DCC: variants seen among roughly 807,000 people sequenced by gnomAD.
The protein encoded by DCC is netrin receptor DCC.
A neutral mutation model predicts 172.5 loss-of-function variants in DCC; 58 were observed. The observed-to-expected ratio is 0.34, with a 90% CI of 0.27 to 0.42. The LOEUF is 0.42. Among genes scored for constraint, DCC ranks in the 10% least tolerant of loss-of-function variants. The pLI is 1.00. For synonymous variants in DCC, 709 were observed against 644.5 expected (o/e 1.10, Z -1.52); for missense variants, 1,740 against 1,791.0 (o/e 0.97, Z 0.51).
chr18:53,529,183 C>T (rs1436045604), intron 28 of DCC, among the ~76,000 whole-genome samples: 4 of 152,062 alleles, frequency 2.6e-5, no homozygotes, highest in South Asian at 2.1e-4. Context: ...CATTCACTGA[C>T]ATGCTGAGAT....
At chr18:53,000,768 C>G (rs1185453313) in intron 5 of DCC, among the ~76,000 whole-genome samples, 1 of 151,568 alleles carries the variant, frequency 6.6e-6, no homozygotes, top group Non-Finnish European at 1.5e-5. Context: ...CATGAAAACC[C>G]ATTGATAAAT....
Position 52,934,176 on chromosome 18 carries a change from T to C in DCC, c.985+8806T>C, listed in dbSNP as rs575106444. On this transcript the variant is annotated intron_variant, in intron 5 of 28. Transcript: ENST00000442544. ...GTCCCTACGTAGTTCTCATGAATTA[T>C]GGCGCGATTGATATAACAATATCTA... Among the ~76,000 whole-genome samples, 3 of 152,232 alleles carry C rather than the reference T, an allele frequency of 2.0e-5. No homozygotes were observed. In the South Asian group the frequency reaches 6.2e-4, roughly 32 times the overall value.
intron 12 of DCC, among the ~76,000 whole-genome samples, chr18:53,279,170 G>T (rs1229291051): frequency 6.6e-6 from 1 of 152,224 alleles, no homozygotes; most frequent in East Asian, 1.9e-4. Flanking sequence ...CAGTGATGAT[G>T]AACATTTTTT....
At chr18:53,359,168 A>T (rs1416660909) in intron 15 of DCC, among the ~76,000 whole-genome samples, 2 of 152,204 alleles carry the variant, frequency 1.3e-5, no homozygotes, top group Non-Finnish European at 2.9e-5. Flanking sequence ...CAGGAGTTAT[A>T]AATAGAGAGA....
chr18:53,385,603 G>A (rs946181726), intron 15 of DCC, among the ~76,000 whole-genome samples: 3 of 152,118 alleles, frequency 2.0e-5, no homozygotes, highest in Non-Finnish European at 4.4e-5. Flanking sequence ...TGTTGTTCTG[G>A]AACTGATCTG....
intron 2 of DCC, among the ~76,000 whole-genome samples, chr18:52,895,568 T>A (rs894028574): frequency 6.6e-6 from 1 of 152,188 alleles, no homozygotes; most frequent in Admixed American, 6.5e-5. Context: ...AGCAATATAA[T>A]TTTCGCTCAT....
chr18:52,751,820 A>C (rs1377920659), intron 1 of DCC, among the ~76,000 whole-genome samples: 1 of 151,976 alleles, frequency 6.6e-6, no homozygotes, highest in Non-Finnish European at 1.5e-5. Context: ...ATGAATTTGT[A>C]ATTTCTCATA....
intron 1 of DCC, among the ~76,000 whole-genome samples, chr18:52,634,781 C>T (rs1046976207): frequency 6.6e-6 from 1 of 152,056 alleles, no homozygotes; most frequent in Non-Finnish European, 1.5e-5. Flanking sequence ...CACTCTTTTT[C>T]CCCCTTCTGT....
At chr18:52,724,201 C>T (rs1424631491) in intron 1 of DCC, among the ~76,000 whole-genome samples, 1 of 152,156 alleles carries the variant, frequency 6.6e-6, no homozygotes, top group Non-Finnish European at 1.5e-5. Flanking sequence ...GGCTGGAGTG[C>T]AGTGGTGCAA....
At chr18:52,711,448 C>G (rs566931272) in intron 1 of DCC, among the ~76,000 whole-genome samples, 1 of 152,276 alleles carries the variant, frequency 6.6e-6, no homozygotes, top group East Asian at 1.9e-4. Flanking sequence ...CATGGCTTGA[C>G]ACACAGAAGG....
At chr18:53,412,684 C>T (rs1210343456) in intron 20 of DCC, among the ~76,000 whole-genome samples, 5 of 152,072 alleles carry the variant, frequency 3.3e-5, no homozygotes, top group African/African-American at 7.2e-5. Context: ...CATAGTAATG[C>T]TTGTGCCAGG....
At chr18:52,764,664 T>A (rs1363489363) in intron 2 of DCC, among the ~76,000 whole-genome samples, 1 of 152,240 alleles carries the variant, frequency 6.6e-6, no homozygotes, top group Non-Finnish European at 1.5e-5. Context: ...GAAGTAGATG[T>A]TGGCACCATG....
At chr18:53,261,211 T>C (rs1161657237) in intron 12 of DCC, among the ~76,000 whole-genome samples, 1 of 152,156 alleles carries the variant, frequency 6.6e-6, no homozygotes, top group Non-Finnish European at 1.5e-5. Context: ...CCCACTGTCC[T>C]GCACCCACTG....
chr18:52,488,845 G>A (rs2030358003), intron 1 of DCC, among the ~76,000 whole-genome samples: 1 of 152,034 alleles, frequency 6.6e-6, no homozygotes, highest in African/African-American at 2.4e-5. Context: ...AATGTGAAAA[G>A]AATATCCACC....
chr18:52,461,502 A>G (rs1173313093), intron 1 of DCC, among the ~76,000 whole-genome samples: 1 of 152,156 alleles, frequency 6.6e-6, no homozygotes, highest in African/African-American at 2.4e-5. Context: ...ACTCTACATA[A>G]TTGTATGTGC....
intron 1 of DCC, among the ~76,000 whole-genome samples, chr18:52,434,159 C>A (rs1254524020): frequency 6.6e-6 from 1 of 152,182 alleles, no homozygotes; most frequent in African/African-American, 2.4e-5. Flanking sequence ...TTCTCTAAAA[C>A]TGTAATCCTT....
chr18:53,395,004 C>T lies in DCC; in HGVS notation c.2689-2304C>T, dbSNP rs945418387. On this transcript the variant is annotated intron_variant, in intron 17 of 28. Transcript: ENST00000442544. ...TAAAAAAATACAAAAATTAGCTGGG[C>T]GTGGTGGGGGGGCGGGGCGCCTGTA... Among the ~76,000 whole-genome samples the T allele has an allele frequency of 6.2e-5, 8 of 128,718 alleles. No homozygotes were observed. The East Asian group carries it at 1.1e-3, about 17-fold the overall frequency. 84.4% of individuals were successfully genotyped at this position (128,718 alleles called of 152,430 possible).
chr18:53,288,841 T>C (rs2056965150), intron 12 of DCC, among the ~76,000 whole-genome samples: 1 of 152,162 alleles, frequency 6.6e-6, no homozygotes, highest in Non-Finnish European at 1.5e-5. Flanking sequence ...TTGCTCTTTC[T>C]GCATGTATAA....
At chr18:53,351,350 C>CATATATATATATATAT (rs2057798493) in intron 15 of DCC, among the ~76,000 whole-genome samples, 2 of 41,982 alleles carry the variant, frequency 4.8e-5, no homozygotes, top group African/African-American at 1.5e-4. Flanking sequence ...TATATATATA[C>CATATATATATATATAT]ACAGTATATA....
Sources: allele counts gnomAD v4.1 joint callset (sites outside exome capture counted in the v4.1 genomes callset), GRCh38; gene constraint gnomAD v4.1.1; transcripts MANE v1.5; gene names NCBI Gene and HGNC (gene_info 2026-07-23, HGNC 2026-07-21).